The following RGS6 variants were observed in gnomAD, a reference collection of about 807,000 sequenced individuals.
RGS6 encodes regulator of G protein signaling 6, also known as regulator of G-protein signaling 6.
RGS6 carries 30 observed loss-of-function variants against 78.5 expected under a neutral mutation model. That is an observed-to-expected ratio of 0.38 (90% CI 0.29 to 0.52). The LOEUF (loss-of-function observed/expected upper bound fraction) is 0.52, where lower values mean the gene tolerates loss of function less well. RGS6 is among the 20% of genes least tolerant of loss of function. RGS6 has a pLI of 0.85. For missense variants in RGS6, 495 were observed against 609.7 expected (o/e 0.81, Z 1.98); for synonymous variants, 206 against 206.0 (o/e 1.00, Z 0.00).
chr14:71,942,026 A>T (rs550514222), intron 1 of RGS6, among the ~76,000 whole-genome samples: 43 of 152,332 alleles, frequency 2.8e-4, no homozygotes, highest in Non-Finnish European at 5.7e-4. Context: ...TTCAGTAAGC[A>T]TTGGTTGAAT....
intron 3 of RGS6, among the ~76,000 whole-genome samples, chr14:72,412,176 G>A (rs1322847710): frequency 1.3e-5 from 2 of 152,124 alleles, no homozygotes; most frequent in African/African-American, 4.8e-5. Flanking sequence ...GGTAGAATTC[G>A]GCTGTGAATC....
At chr14:72,017,843 ATG>A (rs1333102671) in intron 2 of RGS6, among the ~76,000 whole-genome samples, 1 of 152,008 alleles carries the variant, frequency 6.6e-6, no homozygotes, top group Non-Finnish European at 1.5e-5. Flanking sequence ...ATATAGGTAA[ATG>A]TGTGCCATGG....
intron 13 of RGS6, 104 bp downstream of exon 13, chr14:72,495,366 T>C: frequency 1.0e-5 from 8 of 802,026 alleles, no homozygotes; most frequent in Non-Finnish European, 2.2e-6. Context: ...TTTTTATCGC[T>C]AGAACAGAAA....
intron 3 of RGS6, among the ~76,000 whole-genome samples, chr14:72,380,213 A>G (rs2085714562): frequency 1.3e-5 from 2 of 152,122 alleles, no homozygotes; most frequent in Non-Finnish European, 2.9e-5. Flanking sequence ...AAAATATAAA[A>G]CTAGTACAAG....
chr14:72,029,824 G>A (rs1424342318), intron 2 of RGS6, among the ~76,000 whole-genome samples: 1 of 152,180 alleles, frequency 6.6e-6, no homozygotes, highest in East Asian at 1.9e-4. Flanking sequence ...TATTTTTTCT[G>A]TGATGAGAAC....
intron 14 of RGS6, chr14:72,517,004 C>A (rs1481281422): frequency 6.6e-6 from 1 of 152,262 alleles, no homozygotes; most frequent in East Asian, 1.9e-4. Flanking sequence ...CACACACACA[C>A]ACACACAGTC....
intron 2 of RGS6, among the ~76,000 whole-genome samples, chr14:72,022,017 C>T (rs143769849): frequency 0.083 from 12,566 of 151,962 alleles, 561 homozygotes; most frequent in East Asian, 0.17. Context: ...TAAGAGAGAA[C>T]ATGCGGTATT....
the RGS6 span, among the ~76,000 whole-genome samples, chr14:71,919,797 C>T: frequency 5.8e-4 from 88 of 152,156 alleles, no homozygotes; most frequent in Non-Finnish European, 1.1e-3. Flanking sequence ...AGTTTGAGAC[C>T]AGCCTGGCCA....
chr14:72,140,683 A>G (rs2096527423), intron 2 of RGS6, among the ~76,000 whole-genome samples: 1 of 152,228 alleles, frequency 6.6e-6, no homozygotes, highest in Non-Finnish European at 1.5e-5. Flanking sequence ...CCCTTGGTAC[A>G]TTAGCCAGTA....
chr14:72,012,222 G>A (rs1404388517), intron 2 of RGS6, among the ~76,000 whole-genome samples: 1 of 152,100 alleles, frequency 6.6e-6, no homozygotes, highest in Non-Finnish European at 1.5e-5. Context: ...ATTTAGACAA[G>A]CAAAAGTTAA....
the RGS6 span, among the ~76,000 whole-genome samples, chr14:72,605,449 G>A: frequency 1.3e-5 from 2 of 152,334 alleles, no homozygotes; most frequent in East Asian, 1.9e-4. Context: ...ATCACAGAAC[G>A]AGCATTAACA....
chr14:72,535,575 G>A (rs1037512061), intron 15 of RGS6, among the ~76,000 whole-genome samples: 7 of 152,244 alleles, frequency 4.6e-5, no homozygotes, highest in African/African-American at 1.7e-4. Context: ...TGTGCCCCAT[G>A]TATGTATGTG....
At chr14:72,216,910 C>T (rs544544257) in intron 2 of RGS6, among the ~76,000 whole-genome samples, 1 of 152,234 alleles carries the variant, frequency 6.6e-6, no homozygotes, top group South Asian at 2.1e-4. Flanking sequence ...AAAAAATTTA[C>T]TTTACAAATG....
At position 72,229,545 on chromosome 14, in the gene RGS6, G is replaced by A. The variant is rs189288451; in HGVS notation, c.85-122550G>A. Among the ~76,000 whole-genome samples, 967 of 152,230 alleles carry A rather than the reference G, an allele frequency of 6.4e-3. 11 individuals are homozygous for A. The highest frequency in any genetic ancestry group is 0.031 in the Middle Eastern group (9 of 294). ...ATGTTGTTAAATATATGGCAGGTTG[G>A]GGTTTGATTCTGGCCACAGCTCTCC... On this transcript the variant is annotated intron_variant, in intron 2 of 17. Coordinates refer to ENST00000553525, the MANE Select transcript of RGS6 (RefSeq NM_001204424.2).
chr14:71,993,928 A>C (rs1054599115), intron 2 of RGS6, among the ~76,000 whole-genome samples: 1 of 151,598 alleles, frequency 6.6e-6, no homozygotes, highest in Non-Finnish European at 1.5e-5. Flanking sequence ...AGGGAAAAGG[A>C]AGAGTTGGAA....
chr14:72,026,144 C>T (rs1212408206), intron 2 of RGS6, among the ~76,000 whole-genome samples: 1 of 151,776 alleles, frequency 6.6e-6, no homozygotes, highest in African/African-American at 2.4e-5. Flanking sequence ...TGGTGGCTCA[C>T]ACCTGTAATC....
intron 3 of RGS6, among the ~76,000 whole-genome samples, chr14:72,401,878 A>G (rs1208197295): frequency 6.6e-6 from 1 of 152,214 alleles, no homozygotes; most frequent in Non-Finnish European, 1.5e-5. Context: ...AAGAAAGATG[A>G]TGTGATCTCA....
the RGS6 span, among the ~76,000 whole-genome samples, chr14:71,871,763 CCTGACCAAGAT>C: frequency 2.0e-5 from 3 of 152,154 alleles, no homozygotes; most frequent in African/African-American, 7.2e-5. Flanking sequence ...TGTCTATTAC[CCTGACCAAGAT>C]CTTCGTCATC....
chr14:71,875,120 C>G, the RGS6 span, among the ~76,000 whole-genome samples: 1 of 152,112 alleles, frequency 6.6e-6, no homozygotes, highest in Non-Finnish European at 1.5e-5. Flanking sequence ...TTTGTTGTCT[C>G]TCTACCAGGC....
Sources: allele counts gnomAD v4.1 joint callset (sites outside exome capture counted in the v4.1 genomes callset), GRCh38; gene constraint gnomAD v4.1.1; transcripts MANE v1.5; gene names NCBI Gene and HGNC (gene_info 2026-07-23, HGNC 2026-07-21).